PUS7: variants seen among roughly 807,000 people sequenced by gnomAD.
The protein encoded by PUS7 is pseudouridylate synthase 7 homolog.
Under a neutral mutation model 79.8 loss-of-function variants are expected in PUS7, and 48 were observed. The ratio of observed to expected loss-of-function variants is 0.60; its 90% CI spans 0.48 to 0.76. The LOEUF is 0.76. Ranked by LOEUF, PUS7 falls within the 30% of genes least tolerant of loss-of-function variation. The probability of loss-of-function intolerance (pLI) is 0.00; values close to 1 mark genes in which losing one functional copy is unlikely to be tolerated. For synonymous variants in PUS7, 286 were observed against 272.2 expected, an observed-to-expected ratio of 1.05 and a Z score of -0.50; for missense variants, 729 against 797.6, an observed-to-expected ratio of 0.91 and a Z score of 1.04.
intron 12 of PUS7, among the ~76,000 whole-genome samples, chr7:105,466,617 A>C (rs968795570): frequency 2.6e-5 from 4 of 152,116 alleles, no homozygotes; most frequent in African/African-American, 9.7e-5. Context: ...CATTTTTTTG[A>C]ATGCCTACTA....
chr7:105,463,838 T>C (rs188197527), intron 13 of PUS7, among the ~76,000 whole-genome samples: 25 of 152,328 alleles, frequency 1.6e-4, no homozygotes, highest in Admixed American at 8.5e-4. Context: ...AATACTGCAA[T>C]AGAATATTAT....
At chr7:105,517,059 T>C (rs1377454420) in intron 1 of PUS7, among the ~76,000 whole-genome samples, 1 of 152,106 alleles carries the variant, frequency 6.6e-6, no homozygotes, top group African/African-American at 2.4e-5. Flanking sequence ...GTAATGATGG[T>C]ATCTTAATTG....
At chr7:105,463,953 T>C (rs1449702846) in intron 13 of PUS7, among the ~76,000 whole-genome samples, 3 of 152,166 alleles carry the variant, frequency 2.0e-5, no homozygotes, top group African/African-American at 7.2e-5. Flanking sequence ...ATAAAAAATA[T>C]TGGCTAGAAC....
At chr7:105,504,547 TC>T (rs1273470536) in intron 4 of PUS7, among the ~76,000 whole-genome samples, 2 of 152,184 alleles carry the variant, frequency 1.3e-5, no homozygotes, top group Non-Finnish European at 2.9e-5. Context: ...ACTCAGAAAG[TC>T]CATCTTCATT....
intron 7 of PUS7, among the ~76,000 whole-genome samples, chr7:105,484,972 C>T (rs1013187558): frequency 6.7e-6 from 1 of 149,726 alleles, no homozygotes; most frequent in African/African-American, 2.5e-5. Context: ...AAGGAATTAT[C>T]CTGCCCTGGC....
At chr7:105,477,556 T>C (rs1212747547) in intron 9 of PUS7, among the ~76,000 whole-genome samples, 1 of 152,130 alleles carries the variant, frequency 6.6e-6, no homozygotes, top group African/African-American at 2.4e-5. Context: ...CCTGGCTCAC[T>C]TTCTTTTTTT....
At chr7:105,477,701 C>T (rs1012405141) in intron 9 of PUS7, among the ~76,000 whole-genome samples, 4 of 151,982 alleles carry the variant, frequency 2.6e-5, no homozygotes, top group African/African-American at 9.7e-5. Context: ...TATTACCCAC[C>T]CCCACCAAAA....
intron 12 of PUS7, among the ~76,000 whole-genome samples, chr7:105,467,166 G>C (rs992472811): frequency 6.6e-6 from 1 of 151,448 alleles, no homozygotes; most frequent in African/African-American, 2.4e-5. Context: ...CACAGGTACA[G>C]GGCTTAGTGC....
rs1274057184 is a variant in PUS7 at position 105,462,734 on chromosome 7, C to T, written c.1644G>A (p.Arg548=). The part of the protein sequence containing the change: ...YPKHKIQEAY[R]EMLTADNLDI... The stretch of plus-strand genomic sequence containing the variant: ...CAAGATTGTCAGCTGTGAGCATTTC[C>T]CTGTAGGCTTCTTGAACTAATATAA... Residue 548 remains arginine, a synonymous_variant, in exon 14 of 16, where the codon AGG becomes AGA. Coordinates refer to ENST00000469408, the MANE Select transcript of PUS7 (RefSeq NM_019042.5). 1 of 1,611,774 alleles carries T rather than the reference C, an allele frequency of 6.2e-7. No homozygotes were observed. Among genetic ancestry groups the T allele is most frequent in the Non-Finnish European group, 8.5e-7 (1 of 1,179,500 alleles).
chr7:105,463,256 G>C (rs1324570838), intron 13 of PUS7, among the ~76,000 whole-genome samples: 2 of 152,122 alleles, frequency 1.3e-5, no homozygotes, highest in Admixed American at 6.6e-5. Context: ...GTCATTAATG[G>C]GGAAATACTT....
chr7:105,503,598 T>C (rs1825340449), intron 4 of PUS7, among the ~76,000 whole-genome samples: 1 of 152,184 alleles, frequency 6.6e-6, no homozygotes, highest in Non-Finnish European at 1.5e-5. Context: ...ATTCATACTA[T>C]TTGCAATGCA....
In PUS7 at chr7:105,491,594, TAGG is replaced by T. The variant is rs777519968; in HGVS notation, c.863_865del (p.Ser288del). 1.3e-6 allele frequency: 2 copies of T among 1,598,798 alleles called. No individual in the cohort carries two copies. Among genetic ancestry groups the T allele is most frequent in the Admixed American group, 1.7e-5 (1 of 59,888 alleles). On this transcript the variant is annotated inframe_deletion, in exon 7 of 16. Transcript: ENST00000469408. ...AGCCCTTTTATCTTTGGTTCCCATG[TAGG>T]AGAATATATTTGGCTTGACTCTGGT...
At chr7:105,467,047 T>G (rs892169157) in intron 12 of PUS7, among the ~76,000 whole-genome samples, 7 of 136,718 alleles carry the variant, frequency 5.1e-5, no homozygotes, top group African/African-American at 1.5e-4. Flanking sequence ...TTTTTTTTTT[T>G]TTTTTTTTTT....
At chr7:105,458,944 C>T (rs987099567) in intron 15 of PUS7, among the ~76,000 whole-genome samples, 1 of 152,126 alleles carries the variant, frequency 6.6e-6, no homozygotes, top group Non-Finnish European at 1.5e-5. Context: ...AATACTCCAT[C>T]ACCTAATATC....
chr7:105,470,508 A>AC lies in PUS7; in HGVS notation c.1398+179dup, dbSNP rs1328863940. The AC allele has an allele frequency of 1.7e-5, 9 of 539,886 alleles. No individual in the cohort carries two copies. The East Asian group carries it at 2.9e-4, about 17-fold the overall frequency. The allele number at this position is 539,886 out of a possible 1,614,324, so 33.4% of individuals were successfully genotyped here. On this transcript the variant is annotated intron_variant, in intron 11 of 15. Transcript: ENST00000469408. ...CCCTCAATAAGTAATGCCCGCATCC[A>AC]CCCCCAACATCACCACTCAGGGTCT...
intron 5 of PUS7, among the ~76,000 whole-genome samples, chr7:105,501,354 G>A (rs992982124): frequency 6.6e-6 from 1 of 151,714 alleles, no homozygotes; most frequent in Non-Finnish European, 1.5e-5. Context: ...ACTTTTTCTT[G>A]TTGTAATTTT....
At chr7:105,467,801 G>A (rs1056199021) in intron 12 of PUS7, among the ~76,000 whole-genome samples, 1 of 151,928 alleles carries the variant, frequency 6.6e-6, no homozygotes, top group Admixed American at 6.6e-5. Context: ...GGCCAAGGCA[G>A]GCGGATCACC....
At chr7:105,509,184 CAAAAAAAAAAAA>C (rs57095427) in intron 1 of PUS7, among the ~76,000 whole-genome samples, 5 of 55,718 alleles carry the variant, frequency 9.0e-5, no homozygotes, top group Admixed American at 6.6e-4. Flanking sequence ...GACTCCATCT[CAAAAAAAAAAAA>C]AAAAAAAAAA....
chr7:105,488,483 T>C (rs569140974), intron 7 of PUS7, among the ~76,000 whole-genome samples: 46 of 152,328 alleles, frequency 3.0e-4, no homozygotes, highest in Non-Finnish European at 5.6e-4. Flanking sequence ...AAATGTCATA[T>C]TCCCTTTAAG....
Sources: gnomAD v4.1 joint callset for allele counts (sites outside exome capture counted in the v4.1 genomes callset) on GRCh38, gnomAD v4.1.1 for gene constraint, MANE v1.5 for transcripts, NCBI Gene and HGNC (gene_info 2026-07-23, HGNC 2026-07-21) for gene names.